The following EXOC6 variants were observed in gnomAD, a reference collection of about 807,000 sequenced individuals.
The protein encoded by EXOC6 is SEC15-like 1.
Under a neutral mutation model 112.5 loss-of-function variants are expected in EXOC6, and 60 were observed. The ratio of observed to expected loss-of-function variants is 0.53; its 90% CI spans 0.43 to 0.66. The LOEUF is 0.66. Among genes scored for constraint, EXOC6 ranks in the 30% least tolerant of loss-of-function variants. The pLI is 0.00. For missense variants in EXOC6, 855 were observed against 957.1 expected (o/e 0.89, Z 1.41); for synonymous variants, 295 against 308.0 (o/e 0.96, Z 0.44).
At chr10:92,962,878 G>A (rs943174213) in intron 17 of EXOC6, among the ~76,000 whole-genome samples, 2 of 152,088 alleles carry the variant, frequency 1.3e-5, no homozygotes, top group Admixed American at 6.6e-5. Context: ...TAAATGTTTC[G>A]AATTTGCATA....
At position 92,948,567 on chromosome 10, in the gene EXOC6, T is replaced by TACTACC. The variant is rs1554900776; in HGVS notation, c.1416+194_1416+199dup. On this transcript the variant is annotated intron_variant, in intron 14 of 21. Coordinates refer to ENST00000260762, the MANE Select transcript of EXOC6 (RefSeq NM_019053.6). ...AAGAGTATGTTATTACTACTACTAC[T>TACTACC]ACTACCACTACTACTACTACTACTA... Among the ~76,000 whole-genome samples, 9 of 114,864 alleles carry TACTACC rather than the reference T, an allele frequency of 7.8e-5. No individual in the cohort carries two copies. In the East Asian group the frequency reaches 8.8e-4, roughly 11 times the overall value. The allele number at this position is 114,864 out of a possible 152,430, so 75.4% of individuals were successfully genotyped here.
At chr10:93,026,263 T>C (rs1460257573) in intron 20 of EXOC6, among the ~76,000 whole-genome samples, 1 of 152,028 alleles carries the variant, frequency 6.6e-6, no homozygotes, top group Non-Finnish European at 1.5e-5. Flanking sequence ...TACCTAGGAG[T>C]GGAATTGCTG....
At chr10:92,829,907 T>C (rs1298168535), upstream of EXOC6, among the ~76,000 whole-genome samples, 1 of 152,142 alleles carries the variant, frequency 6.6e-6, no homozygotes, top group East Asian at 1.9e-4. Context: ...ACCAGCACCA[T>C]GACAATTTAC....
intron 1 of EXOC6, among the ~76,000 whole-genome samples, chr10:92,849,937 T>C (rs1172312997): frequency 4.6e-5 from 7 of 152,204 alleles, no homozygotes; most frequent in Admixed American, 1.3e-4. Context: ...GGTAGGCATG[T>C]TATAAATTTT....
chr10:92,943,108 G>T (rs577126075), intron 13 of EXOC6, among the ~76,000 whole-genome samples: 15 of 150,300 alleles, frequency 1.0e-4, no homozygotes, highest in Non-Finnish European at 5.9e-5. Flanking sequence ...TGCAATCTCC[G>T]CTTCCTGGGT....
intron 1 of EXOC6, among the ~76,000 whole-genome samples, chr10:92,869,507 A>G (rs185371441): frequency 4.5e-4 from 69 of 152,134 alleles, no homozygotes; most frequent in African/African-American, 1.7e-3. Context: ...GCAGGGTCTC[A>G]CTATGTTGCT....
Position 93,058,380 on chromosome 10 carries a change from A to ACAC in EXOC6, c.*28_*30dup. The ACAC allele has an allele frequency of 1.9e-6, 3 of 1,560,704 alleles. No homozygotes were observed. The South Asian group carries it at 3.7e-5, about 19-fold the overall frequency. ...GACCTCACATGGCTTGCACTCAGTG[A>ACAC]CACCAAATCCATGATTCAATGTTGA... On this transcript the variant is annotated 3_prime_UTR_variant, in exon 22 of 22. Coordinates refer to ENST00000260762, the MANE Select transcript of EXOC6 (RefSeq NM_019053.6).
At chr10:92,982,110 C>T (rs577901414) in intron 18 of EXOC6, among the ~76,000 whole-genome samples, 86 of 151,860 alleles carry the variant, frequency 5.7e-4, no homozygotes, top group South Asian at 1.0e-3. Context: ...AGCAAGACTC[C>T]GTCTCAAAAA....
intron 8 of EXOC6, among the ~76,000 whole-genome samples, chr10:92,922,620 G>A (rs1851509726): frequency 1.3e-5 from 2 of 152,124 alleles, no homozygotes; most frequent in African/African-American, 2.4e-5. Context: ...AAGGAAAATA[G>A]GTATAATGTC....
intron 18 of EXOC6, 35 bp from the exon 19 acceptor site, chr10:92,997,435 GTTTA>G (rs1229851537): frequency 6.4e-7 from 1 of 1,572,636 alleles, no homozygotes; most frequent in East Asian, 2.3e-5. Flanking sequence ...TTCTATGTGT[GTTTA>G]TTTGTTTGAT....
intron 1 of EXOC6, among the ~76,000 whole-genome samples, chr10:92,887,968 G>A (rs1780497307): frequency 1.3e-5 from 2 of 152,096 alleles, no homozygotes; most frequent in South Asian, 4.1e-4. Context: ...GACACGTGGG[G>A]GTATCAGCTG....
chr10:92,839,338 A>G (rs1183702249), intron 1 of EXOC6, among the ~76,000 whole-genome samples: 1 of 152,092 alleles, frequency 6.6e-6, no homozygotes, highest in African/African-American at 2.4e-5. Context: ...TGGGAGACTT[A>G]ATGGCTGTCC....
At chr10:92,839,425 T>G (rs1249731803) in intron 1 of EXOC6, among the ~76,000 whole-genome samples, 1 of 152,188 alleles carries the variant, frequency 6.6e-6, no homozygotes, top group Non-Finnish European at 1.5e-5. Context: ...GGATGGTCAA[T>G]AGGTTTCAAG....
At chr10:93,042,946 ATT>A (rs1845849366) in intron 20 of EXOC6, among the ~76,000 whole-genome samples, 1 of 143,848 alleles carries the variant, frequency 7.0e-6, no homozygotes, top group Admixed American at 7.2e-5. Flanking sequence ...TATTATTATT[ATT>A]ATTATTATTA....
intron 1 of EXOC6, among the ~76,000 whole-genome samples, chr10:92,855,320 C>G (rs942983380): frequency 4.4e-4 from 67 of 152,202 alleles, no homozygotes; most frequent in African/African-American, 1.5e-3. Context: ...CCTCAGCCTC[C>G]TGAGTATCTG....
chr10:93,043,707 T>C (rs1023732869), intron 20 of EXOC6, among the ~76,000 whole-genome samples: 7 of 152,228 alleles, frequency 4.6e-5, no homozygotes, highest in Non-Finnish European at 8.8e-5. Context: ...TGTACTCTCA[T>C]AGTGCAGATT....
chr10:92,909,494 C>A lies in EXOC6; in HGVS notation c.526C>A (p.Arg176=), dbSNP rs766807258. The A allele has an allele frequency of 7.4e-6, 12 of 1,613,308 alleles. No individual in the cohort carries two copies. The highest frequency in any genetic ancestry group is 1.0e-5 in the Non-Finnish European group (12 of 1,179,606). The change falls in exon 6 of 22, where the codon CGG becomes AGG. Residue 176 remains arginine, a synonymous_variant. Coordinates refer to ENST00000260762, the MANE Select transcript of EXOC6 (RefSeq NM_019053.6). ...NVYFPWVSQY[R]FCQLMIENLP... is the part of the protein sequence containing the mutation. Reference sequence around the variant, plus strand: ...GTACTTTCCCTGGGTTAGTCAATACCGGTTTTGTCAGCTCATGATAGAAAA... The same window carrying A: ...GTACTTTCCCTGGGTTAGTCAATACAGGTTTTGTCAGCTCATGATAGAAAA...
chr10:93,044,360 T>A (rs76848654), intron 20 of EXOC6, among the ~76,000 whole-genome samples: 1 of 152,240 alleles, frequency 6.6e-6, no homozygotes, highest in African/African-American at 2.4e-5. Flanking sequence ...ACATCTTTTT[T>A]AATTGTTTGA....
intron 1 of EXOC6, among the ~76,000 whole-genome samples, chr10:92,842,114 A>T (rs1846876881): frequency 6.6e-6 from 1 of 152,034 alleles, no homozygotes; most frequent in Non-Finnish European, 1.5e-5. Context: ...GAATCCCACC[A>T]CTTTGGGAGG....
Sources: gnomAD v4.1 joint callset for allele counts (sites outside exome capture counted in the v4.1 genomes callset) on GRCh38, gnomAD v4.1.1 for gene constraint, MANE v1.5 for transcripts, NCBI Gene and HGNC (gene_info 2026-07-23, HGNC 2026-07-21) for gene names.